ACOX2: variants seen among roughly 807,000 people sequenced by gnomAD.
The protein encoded by ACOX2 is peroxisomal acyl-coenzyme A oxidase 2.
In ACOX2, 59 loss-of-function variants were observed where a neutral mutation model predicts 77.5. The observed-to-expected ratio is 0.76, with a 90% CI of 0.62 to 0.95. ACOX2 has a LOEUF of 0.95. ACOX2 is among the 40% of genes least tolerant of loss of function. ACOX2 has a pLI of 0.00. For missense variants in ACOX2, 837 were observed against 880.4 expected (o/e 0.95, Z 0.62); for synonymous variants, 317 against 340.1 (o/e 0.93, Z 0.75).
At position 58,531,820 on chromosome 3, in the gene ACOX2, C is replaced by T. The variant is rs2063442646; in HGVS notation, c.584-8G>A. ...GGGTGGCTGACCGTCCCACTGAGGG[C>T]AGAGAGAGTAGCGGCCCGTCACAGG... On this transcript the variant is annotated splice_polypyrimidine_tract_variant and splice_region_variant and intron_variant, in intron 5 of 14. Coordinates refer to ENST00000302819, the MANE Select transcript of ACOX2 (RefSeq NM_003500.4). This position sits in a 1 kb window ranked among gnomAD's most constrained non-coding sequence, Gnocchi z 5.8. 3 of 1,611,818 alleles carry T rather than the reference C, an allele frequency of 1.9e-6. No homozygotes were observed. Among genetic ancestry groups the T allele is most frequent in the East Asian group, 4.5e-5 (2 of 44,858 alleles).
chr3:58,531,610 G>A lies in ACOX2; in HGVS notation c.703+83C>T, dbSNP rs1215828658. 15 of 1,557,388 alleles carry A rather than the reference G, an allele frequency of 9.6e-6. No homozygotes were observed. In the East Asian group the frequency reaches 3.4e-4, roughly 35 times the overall value. ...AGGGAGACATGTCTTAGCTACTCCTGTGGCCCTCTGGGGCCCCAGGTCAGG... is the reference window on the plus strand; with the variant it reads ...AGGGAGACATGTCTTAGCTACTCCTATGGCCCTCTGGGGCCCCAGGTCAGG... On this transcript the variant is annotated intron_variant, in intron 6 of 14. Transcript: ENST00000302819. The surrounding 1 kb of genome is among the most constrained non-coding windows in gnomAD (Gnocchi z 5.8).
intron 12 of ACOX2, among the ~76,000 whole-genome samples, chr3:58,518,092 A>G (rs1358292576): frequency 4.0e-5 from 6 of 151,338 alleles, no homozygotes; most frequent in South Asian, 2.1e-4. Flanking sequence ...AAAAAAAAAA[A>G]AAAAAAAAGA....
Position 58,535,968 on chromosome 3 carries a change from C to T in ACOX2, c.-91-771G>A, listed in dbSNP as rs1431274000. Among the ~76,000 whole-genome samples the T allele has an allele frequency of 6.6e-6, 1 of 152,074 alleles. No individual in the cohort carries two copies. The highest frequency in any genetic ancestry group is 6.6e-5 in the Admixed American group (1 of 15,262). On this transcript the variant is annotated intron_variant, in intron 1 of 14. Transcript: ENST00000302819. This position sits in a 1 kb window ranked among gnomAD's most constrained non-coding sequence, Gnocchi z 4.8. ...TTATCTCTTACTTGGCCTCAGTGTTCCTCTTATTTGTTCTCCCAGCTGCCA... is the reference window on the plus strand; with the variant it reads ...TTATCTCTTACTTGGCCTCAGTGTTTCTCTTATTTGTTCTCCCAGCTGCCA...
rs2063473934 is a variant in ACOX2, at chr3:58,535,306, G to A, written c.-91-109C>T. The A allele has an allele frequency of 1.6e-6, 1 of 625,850 alleles. No individual in the cohort carries two copies. The highest frequency in any genetic ancestry group is 2.8e-5 in the Admixed American group (1 of 35,346). 38.8% of individuals were successfully genotyped at this position (625,850 alleles called of 1,614,324 possible). On this transcript the variant is annotated intron_variant, in intron 1 of 14. Coordinates refer to ENST00000302819, the MANE Select transcript of ACOX2 (RefSeq NM_003500.4). The surrounding 1 kb of genome is among the most constrained non-coding windows in gnomAD (Gnocchi z 4.8). The stretch of plus-strand genomic sequence containing the variant: ...CACTCCACCTCCCCACTCCCCCTGT[G>A]GACACTGGCTGTGGACCAGGCACTG...
In ACOX2 at chr3:58,522,800, A is replaced by T. The variant is rs2063368148; in HGVS notation, c.1527-199T>A. On this transcript the variant is annotated intron_variant, in intron 11 of 14. Transcript: ENST00000302819. This position sits in a 1 kb window ranked among gnomAD's most constrained non-coding sequence, Gnocchi z 4.3. ...CCCCAGTTTGCAATGGGGAAAACTG[A>T]GTCCCAGAGAGGTTAACCAATTTGT... 1.3e-5 allele frequency among the ~76,000 whole-genome samples: 2 copies of T among 152,220 alleles called. No individual in the cohort carries two copies. Among genetic ancestry groups the T allele is most frequent in the Non-Finnish European group, 2.9e-5 (2 of 68,034 alleles).
rs1442378364 is a variant in ACOX2, at chr3:58,528,479, C to A, written c.1155+315G>T. Among the ~76,000 whole-genome samples, 1 of 152,214 alleles carries A rather than the reference C, an allele frequency of 6.6e-6. No homozygotes were observed. The highest frequency in any genetic ancestry group is 1.5e-5 in the Non-Finnish European group (1 of 68,038). On this transcript the variant is annotated intron_variant, in intron 9 of 14. Coordinates refer to ENST00000302819, the MANE Select transcript of ACOX2 (RefSeq NM_003500.4). This position sits in a 1 kb window ranked among gnomAD's most constrained non-coding sequence, Gnocchi z 5.6. ...TCAGGTCAGTTCAGGTCAAACTATG[C>A]CACCAAATGAGTTCCAAACAACTGT... is the stretch of plus-strand genomic sequence containing the variant.
Position 58,524,494 on chromosome 3 carries a change from T to TGG in ACOX2, c.1456_1457dup (p.Ala487GlnfsTer23), listed in dbSNP as rs769646916. The TGG allele has an allele frequency of 2.9e-5, 47 of 1,614,034 alleles. No homozygotes were observed. In the South Asian group the frequency reaches 5.2e-4, roughly 18 times the overall value. On this transcript the variant is annotated frameshift_variant, in exon 11 of 15. Coordinates refer to ENST00000302819, the MANE Select transcript of ACOX2 (RefSeq NM_003500.4). LOFTEE classifies it high-confidence loss of function. This position sits in a 1 kb window ranked among gnomAD's most constrained non-coding sequence, Gnocchi z 5.5. ...AGAGGAAGTCGGCTGCCCTCTGGGCTGGACACCTGGCCAGGTCAGGTGCGG... is the reference window on the plus strand; with the variant it reads ...AGAGGAAGTCGGCTGCCCTCTGGGCTGGGGACACCTGGCCAGGTCAGGTGCGG...
chr3:58,527,388 T>A (rs566109494), intron 9 of ACOX2, among the ~76,000 whole-genome samples: 1 of 151,984 alleles, frequency 6.6e-6, no homozygotes, highest in Admixed American at 6.6e-5. Flanking sequence ...ATACAAAAAT[T>A]AGCTGGGCGT....
At position 58,514,106 on chromosome 3, in the gene ACOX2, A is replaced by G. The variant is rs992759904; in HGVS notation, c.1850+3100T>C. 2.0e-5 allele frequency among the ~76,000 whole-genome samples: 3 copies of G among 152,114 alleles called. No individual in the cohort carries two copies. The highest frequency in any genetic ancestry group is 4.4e-5 in the Non-Finnish European group (3 of 68,024). On this transcript the variant is annotated intron_variant, in intron 13 of 14. Coordinates refer to ENST00000302819, the MANE Select transcript of ACOX2 (RefSeq NM_003500.4). This position sits in a 1 kb window ranked among gnomAD's most constrained non-coding sequence, Gnocchi z 4.3. ...ATGCTCCCTAGTCCACAGATCCTCTATTTACCCTTCTGCCAGGGCAGAGTC... is the reference window on the plus strand; with the variant it reads ...ATGCTCCCTAGTCCACAGATCCTCTGTTTACCCTTCTGCCAGGGCAGAGTC...
At position 58,535,600 on chromosome 3, in the gene ACOX2, C is replaced by G. The variant is rs1160311416; in HGVS notation, c.-91-403G>C. Among the ~76,000 whole-genome samples, 1 of 152,104 alleles carries G rather than the reference C, an allele frequency of 6.6e-6. No individual in the cohort carries two copies. Among genetic ancestry groups the G allele is most frequent in the Admixed American group, 6.5e-5 (1 of 15,268 alleles). On this transcript the variant is annotated intron_variant, in intron 1 of 14. Transcript: ENST00000302819. The surrounding 1 kb of genome is among the most constrained non-coding windows in gnomAD (Gnocchi z 4.8). Reference sequence around the variant, plus strand: ...TCTGACCACAAAGCACATGACTTGTCCATACTACAGCTCCACTGTGGAGGA... The same window carrying G: ...TCTGACCACAAAGCACATGACTTGTGCATACTACAGCTCCACTGTGGAGGA...
chr3:58,526,492 G>A lies in ACOX2; in HGVS notation c.1320C>T (p.Asn440=), dbSNP rs771371772. The A allele has an allele frequency of 6.2e-7, 1 of 1,614,002 alleles. No homozygotes were observed. ...LSASCTYEGE[N]TVLYLQVARF... is the part of the protein sequence containing the mutation. ...TGGCCACCTGCAGGTAGAGCACTGT[G>A]TTCTCACCCTCGTAGGTACAGGAGG... Residue 440 remains asparagine, a synonymous_variant, in exon 10 of 15, where the codon AAC becomes AAT. Transcript: ENST00000302819. This position sits in a 1 kb window ranked among gnomAD's most constrained non-coding sequence, Gnocchi z 4.3.
In ACOX2 at chr3:58,534,933, C is replaced by T; in HGVS notation, c.160+14G>A. On this transcript the variant is annotated intron_variant, in intron 2 of 14. Transcript: ENST00000302819. This position sits in a 1 kb window ranked among gnomAD's most constrained non-coding sequence, Gnocchi z 4.8. Reference sequence around the variant, plus strand: ...GGCATAAAACAGATGTCCCATTCCCCAGCTTCCCCTTACCAACTTTCCTGC... The same window carrying T: ...GGCATAAAACAGATGTCCCATTCCCTAGCTTCCCCTTACCAACTTTCCTGC... The T allele has an allele frequency of 6.2e-7, 1 of 1,614,042 alleles. No homozygotes were observed. Among genetic ancestry groups the T allele is most frequent in the Non-Finnish European group, 8.5e-7 (1 of 1,179,892 alleles).
intron 7 of ACOX2, 88 bp from the exon 8 acceptor site, chr3:58,530,726 G>C: frequency 2.1e-6 from 3 of 1,431,358 alleles, no homozygotes; most frequent in African/African-American, 1.4e-5. Flanking sequence ...TCCACACATG[G>C]AGGGCACCTC....
At chr3:58,510,662 AAATAT>A (rs2063275074) in intron 13 of ACOX2, among the ~76,000 whole-genome samples, 1 of 12,280 alleles carries the variant, frequency 8.1e-5, no homozygotes, top group African/African-American at 3.2e-4. Flanking sequence ...AAAAAAAAAA[AAATAT>A]ATATATATAT....
At position 58,534,053 on chromosome 3, in the gene ACOX2, T is replaced by A. The variant is rs2063460290; in HGVS notation, c.416A>T (p.Asp139Val). ...LGSEEQIAKWDPLCKNIQIIA... is the reference protein window; with the variant it reads ...LGSEEQIAKWVPLCKNIQIIA... ...GATCTGGATGTTTTTGCAGAGTGGG[T>A]CCCATTTGGCAATCTGCTCCTCTGA... is the stretch of plus-strand genomic sequence containing the variant. Residue 139 changes from aspartate (D) to valine (V), a missense_variant, in exon 4 of 15, where the codon GAC (aspartate) becomes GTC (valine). Coordinates refer to ENST00000302819, the MANE Select transcript of ACOX2 (RefSeq NM_003500.4). The surrounding 1 kb of genome is among the most constrained non-coding windows in gnomAD (Gnocchi z 4.8). 6.2e-7 allele frequency: 1 copy of A among 1,614,126 alleles called. No homozygotes were observed. The highest frequency in any genetic ancestry group is 1.3e-5 in the African/African-American group (1 of 75,030).
At chr3:58,516,153 TTG>T (rs2063320858) in intron 13 of ACOX2, among the ~76,000 whole-genome samples, 1 of 152,144 alleles carries the variant, frequency 6.6e-6, no homozygotes, top group Admixed American at 6.5e-5. Flanking sequence ...TTAAAAAACT[TTG>T]TGTTATTATT....
chr3:58,532,658 T>C (rs2063449459), intron 5 of ACOX2, among the ~76,000 whole-genome samples: 1 of 152,206 alleles, frequency 6.6e-6, no homozygotes, highest in South Asian at 2.1e-4. Flanking sequence ...GTGCTGGGAT[T>C]ATAGGCATGA....
chr3:58,534,101 A>C lies in ACOX2; in HGVS notation c.368T>G (p.Val123Gly). 1 of 1,614,124 alleles carries C rather than the reference A, an allele frequency of 6.2e-7. No homozygotes were observed. The highest frequency in any genetic ancestry group is 1.1e-5 in the South Asian group (1 of 91,074). The change falls in exon 4 of 15, where the codon GTG (valine) becomes GGG (glycine). Residue 123 changes from valine to glycine, a missense_variant. By Grantham distance (109) the Val-to-Gly change is moderately radical. Transcript: ENST00000302819. This position sits in a 1 kb window ranked among gnomAD's most constrained non-coding sequence, Gnocchi z 4.8. ...TGAGCCCAGGCTCCTGAGGGCTCTC[A>C]CGAAGACTCTGTGTATATTTAAGGC... ...DVALNIHRVF[V>G]RALRSLGSEE...
At chr3:58,506,681 C>A (rs1056934659) in intron 14 of ACOX2, among the ~76,000 whole-genome samples, 2 of 152,120 alleles carry the variant, frequency 1.3e-5, no homozygotes, top group Non-Finnish European at 2.9e-5. Context: ...CCTGTAATGC[C>A]AGCTACTTGG....
Sources: allele counts gnomAD v4.1 joint callset (sites outside exome capture counted in the v4.1 genomes callset), GRCh38; gene constraint gnomAD v4.1.1; non-coding constraint Gnocchi (gnomAD v3.1); transcripts MANE v1.5; gene names NCBI Gene and HGNC (gene_info 2026-07-23, HGNC 2026-07-21).